Variants in ASCC3 observed in about 807,000 individuals in gnomAD.
The protein encoded by ASCC3 is activating signal cointegrator 1 complex subunit 3.
Under a neutral mutation model 256.3 loss-of-function variants are expected in ASCC3, and 158 were observed. That is an observed-to-expected ratio of 0.62 (90% confidence interval 0.54 to 0.70). The LOEUF (loss-of-function observed/expected upper bound fraction) is 0.70, where lower values mean the gene tolerates loss of function less well. Among genes scored for constraint, ASCC3 ranks in the 30% least tolerant of loss-of-function variants. ASCC3 has a pLI of 0.00. For missense variants in ASCC3, 2,259 were observed against 2,626.0 expected, an observed-to-expected ratio of 0.86 and a Z score of 3.05; for synonymous variants, 948 against 883.4, an observed-to-expected ratio of 1.07 and a Z score of -1.30.
chr6:100,566,427 T>C (rs868591498), intron 36 of ASCC3, among the ~76,000 whole-genome samples: 1 of 152,132 alleles, frequency 6.6e-6, no homozygotes, highest in African/African-American at 2.4e-5. Flanking sequence ...GCCACCTCAA[T>C]GTATTAACGG....
chr6:100,809,815 G>T (rs1191752693), intron 4 of ASCC3, among the ~76,000 whole-genome samples: 1 of 152,014 alleles, frequency 6.6e-6, no homozygotes, highest in South Asian at 2.1e-4. Flanking sequence ...AGTATATGAA[G>T]TAAATGGATG....
intron 30 of ASCC3, among the ~76,000 whole-genome samples, chr6:100,617,713 A>C (rs1773741129): frequency 6.6e-6 from 1 of 152,200 alleles, no homozygotes; most frequent in Non-Finnish European, 1.5e-5. Flanking sequence ...GATATAGCCA[A>C]GCACTCCTTC....
At chr6:100,606,660 A>T (rs1772903590) in intron 32 of ASCC3, 80 bp downstream of exon 32, 1 of 1,444,748 alleles carries the variant, frequency 6.9e-7, no homozygotes. Flanking sequence ...ATTGGTGGAA[A>T]TTCAAATTAA....
At chr6:100,717,303 C>T (rs929132840) in intron 12 of ASCC3, among the ~76,000 whole-genome samples, 2 of 151,898 alleles carry the variant, frequency 1.3e-5, no homozygotes, top group Non-Finnish European at 1.5e-5. Context: ...GACAGTAATA[C>T]ATTAAAGACT....
At chr6:100,618,930 T>C (rs761496678) in intron 30 of ASCC3, among the ~76,000 whole-genome samples, 1 of 152,150 alleles carries the variant, frequency 6.6e-6, no homozygotes, top group Non-Finnish European at 1.5e-5. Context: ...AAGGAAAAGG[T>C]AAGACAATAG....
chr6:100,661,874 A>C lies in ASCC3; in HGVS notation c.2635T>G (p.Leu879Val). 1 of 1,613,402 alleles carries C rather than the reference A, an allele frequency of 6.2e-7. No individual in the cohort carries two copies. Among genetic ancestry groups the C allele is most frequent in the Non-Finnish European group, 8.5e-7 (1 of 1,179,492 alleles). Residue 879 changes from leucine (L) to valine (V), a missense_variant, in exon 16 of 42, where the codon TTG becomes GTG. By Grantham distance (32) the Leu-to-Val change is conservative. Around this residue, in one of 2 missense-constraint regions of ASCC3, gnomAD observed 1,839 missense variants for 2,206.7 expected, o/e 0.83. Transcript: ENST00000369162. Reference protein sequence around the residue: ...THDKLSHYLTLLTQRNPIESQ... With the variant: ...THDKLSHYLTVLTQRNPIESQ... ...TCAATTGGGTTTCGTTGAGTGAGCA[A>C]AGTGAGGTAATGGCTGAGTTTATCA...
At chr6:100,575,148 G>A (rs565749486) in intron 36 of ASCC3, among the ~76,000 whole-genome samples, 5 of 152,104 alleles carry the variant, frequency 3.3e-5, no homozygotes, top group African/African-American at 1.2e-4. Context: ...CCATGAGGTT[G>A]GAGGTGTTCA....
chr6:100,725,290 A>C (rs767737033), intron 11 of ASCC3, among the ~76,000 whole-genome samples: 6 of 151,996 alleles, frequency 3.9e-5, no homozygotes, highest in Non-Finnish European at 8.8e-5. Flanking sequence ...TAATGAAAAG[A>C]ATGGTTAACA....
intron 8 of ASCC3, among the ~76,000 whole-genome samples, chr6:100,781,266 A>G (rs183214992): frequency 2.0e-5 from 3 of 152,344 alleles, no homozygotes; most frequent in Admixed American, 2.0e-4. Context: ...GTTTTTTATC[A>G]TATATTATAA....
At chr6:100,837,815 T>C (rs1771949624) in intron 4 of ASCC3, among the ~76,000 whole-genome samples, 2 of 151,998 alleles carry the variant, frequency 1.3e-5, no homozygotes, top group African/African-American at 4.8e-5. Flanking sequence ...ATGGCCTATC[T>C]AGTGCACAGT....
At chr6:100,516,132 C>T in intron 39 of ASCC3, 48 bp downstream of exon 39, 1 of 1,612,220 alleles carries the variant, frequency 6.2e-7, no homozygotes, top group Non-Finnish European at 8.5e-7. Flanking sequence ...TCTTGGTACA[C>T]CTTCTCAGAG....
At chr6:100,715,369 T>A in intron 13 of ASCC3, 93 bp downstream of exon 13, 5 of 1,131,360 alleles carry the variant, frequency 4.4e-6, no homozygotes, top group Non-Finnish European at 6.4e-6. Flanking sequence ...AAGAAAAATT[T>A]TCTTCTGAAG....
At chr6:100,547,022 C>T (rs1200299816) in intron 36 of ASCC3, among the ~76,000 whole-genome samples, 1 of 151,916 alleles carries the variant, frequency 6.6e-6, no homozygotes, top group Non-Finnish European at 1.5e-5. Flanking sequence ...TAAAGCTACA[C>T]TAAGCAAAAA....
intron 11 of ASCC3, 60 bp from the exon 12 acceptor site, chr6:100,718,311 A>G: frequency 7.1e-7 from 1 of 1,416,808 alleles, no homozygotes; most frequent in Non-Finnish European, 9.6e-7. Context: ...AAAAAACATT[A>G]TAATTTGTCC....
intron 10 of ASCC3, among the ~76,000 whole-genome samples, chr6:100,760,015 CTT>C (rs1183198026): frequency 2.0e-5 from 3 of 152,096 alleles, no homozygotes; most frequent in Admixed American, 6.6e-5. Context: ...TATCCTGAGA[CTT>C]TGCCCAAGTT....
At chr6:100,872,084 C>A (rs1404006603) in intron 1 of ASCC3, among the ~76,000 whole-genome samples, 1 of 152,192 alleles carries the variant, frequency 6.6e-6, no homozygotes, top group Non-Finnish European at 1.5e-5. Context: ...TAAACATACT[C>A]TGCCTCAGAA....
intron 3 of ASCC3, among the ~76,000 whole-genome samples, chr6:100,855,529 T>G (rs1772902597): frequency 1.3e-5 from 2 of 152,216 alleles, no homozygotes; most frequent in African/African-American, 2.4e-5. Context: ...GTTATCCAGC[T>G]TTTTAAAATT....
At position 100,650,283 on chromosome 6, in the gene ASCC3, TATC is replaced by T. The variant is rs141671271; in HGVS notation, c.3252+252_3252+254del. 2.6e-4 allele frequency among the ~76,000 whole-genome samples: 39 copies of T among 151,658 alleles called. 1 individual carries two copies. In the East Asian group the frequency reaches 5.4e-3, roughly 21 times the overall value. ...TCATTTAAAGTAGAAAAAAATCAGG[TATC>T]ATTTTAAAACTTTGTAAGAAACATC... is the stretch of plus-strand genomic sequence containing the variant. On this transcript the variant is annotated intron_variant, in intron 20 of 41. Coordinates refer to ENST00000369162, the MANE Select transcript of ASCC3 (RefSeq NM_006828.4).
At chr6:100,632,182 TAAAA>T (rs35229827) in intron 25 of ASCC3, among the ~76,000 whole-genome samples, 2,041 of 102,036 alleles carry the variant, frequency 0.02, 14 homozygotes, top group East Asian at 0.058. Context: ...GCAAACTATC[TAAAA>T]AAAAAAAAAA....
Sources: allele counts gnomAD v4.1 joint callset (sites outside exome capture counted in the v4.1 genomes callset), GRCh38; gene constraint gnomAD v4.1.1; regional missense constraint gnomAD v4.1.1; transcripts MANE v1.5; gene names NCBI Gene and HGNC (gene_info 2026-07-23, HGNC 2026-07-21).